Variants in HS2ST1 observed in about 807,000 individuals in gnomAD.
HS2ST1 encodes 2-O-sulfotransferase.
HS2ST1 carries 18 observed loss-of-function variants against 42.9 expected under a neutral mutation model. The ratio of observed to expected loss-of-function variants is 0.42; its 90% CI spans 0.29 to 0.62. The LOEUF is 0.62. Ranked by LOEUF, HS2ST1 falls within the 20% of genes least tolerant of loss-of-function variation. The probability of loss-of-function intolerance (pLI) is 0.21; values close to 1 mark genes in which losing one functional copy is unlikely to be tolerated. For synonymous variants in HS2ST1, 146 were observed against 152.9 expected (o/e 0.95, Z 0.33); for missense variants, 334 against 433.8 (o/e 0.77, Z 2.04).
intron 1 of HS2ST1, among the ~76,000 whole-genome samples, chr1:86,933,238 A>G (rs1660577797): frequency 6.6e-6 from 1 of 152,202 alleles, no homozygotes; most frequent in African/African-American, 2.4e-5. Flanking sequence ...TTGGAGAATT[A>G]ACCACCATTA....
chr1:87,015,813 C>CT (rs957169428), intron 1 of HS2ST1, among the ~76,000 whole-genome samples: 44 of 151,134 alleles, frequency 2.9e-4, no homozygotes, highest in Non-Finnish European at 4.0e-4. Flanking sequence ...CTTTTTCTTT[C>CT]TTTTTTTTTA....
At chr1:86,915,221 C>G in intron 1 of HS2ST1, 61 bp downstream of exon 1, 1 of 1,543,162 alleles carries the variant, frequency 6.5e-7, no homozygotes, top group East Asian at 2.3e-5. Flanking sequence ...GCGCTGCCGC[C>G]GGAGCAAGTG....
intron 1 of HS2ST1, among the ~76,000 whole-genome samples, chr1:87,062,773 C>T (rs1022697489): frequency 6.6e-6 from 1 of 152,086 alleles, no homozygotes; most frequent in African/African-American, 2.4e-5. Flanking sequence ...AGTTACTTTC[C>T]CTTTCATTCC....
intron 1 of HS2ST1, among the ~76,000 whole-genome samples, chr1:86,924,793 G>T (rs184807294): frequency 2.0e-4 from 31 of 152,254 alleles, no homozygotes; most frequent in African/African-American, 7.5e-4. Flanking sequence ...AAACCTCTGG[G>T]CCTGTGATGG....
intron 1 of HS2ST1, among the ~76,000 whole-genome samples, chr1:86,999,699 C>A (rs1327899214): frequency 2.0e-5 from 3 of 152,050 alleles, no homozygotes; most frequent in African/African-American, 4.8e-5. Flanking sequence ...GCTTTCCCCC[C>A]CAACTTACTT....
intron 1 of HS2ST1, among the ~76,000 whole-genome samples, chr1:86,961,434 G>T (rs906073487): frequency 6.6e-6 from 1 of 151,970 alleles, no homozygotes; most frequent in Non-Finnish European, 1.5e-5. Flanking sequence ...ATTACCGGAA[G>T]GATAGTTTTT....
chr1:87,039,069 T>C (rs1650456577), intron 1 of HS2ST1, among the ~76,000 whole-genome samples: 3 of 152,150 alleles, frequency 2.0e-5, no homozygotes, highest in South Asian at 4.1e-4. Flanking sequence ...TGTACTGATA[T>C]GGAAGGTAAT....
chr1:87,081,985 G>GA lies in HS2ST1; in HGVS notation c.364-2201dup, dbSNP rs1204752981. ...GACTCCGTCTCAAAAAAAAAAAAAA[G>GA]AAAAAAAAGAAAAAAAAAGAAGGTT... On this transcript the variant is annotated intron_variant, in intron 2 of 6. Coordinates refer to ENST00000370550, the MANE Select transcript of HS2ST1 (RefSeq NM_012262.4). Among the ~76,000 whole-genome samples the GA allele has an allele frequency of 4.3e-5, 6 of 140,666 alleles. No homozygotes were observed. In the East Asian group the frequency reaches 6.1e-4, roughly 14 times the overall value. The allele number at this position is 140,666 out of a possible 152,430, so 92.3% of individuals were successfully genotyped here.
chr1:86,995,189 CTT>C (rs1248302814), intron 1 of HS2ST1, among the ~76,000 whole-genome samples: 5 of 152,118 alleles, frequency 3.3e-5, no homozygotes, highest in Non-Finnish European at 7.4e-5. Flanking sequence ...AAAATCTACA[CTT>C]GATTTTATAA....
intron 1 of HS2ST1, among the ~76,000 whole-genome samples, chr1:87,031,037 T>A (rs1650223202): frequency 6.6e-6 from 1 of 152,108 alleles, no homozygotes; most frequent in South Asian, 2.1e-4. Context: ...TCTCCTGAGG[T>A]TAAGCGATCC....
intron 1 of HS2ST1, among the ~76,000 whole-genome samples, chr1:87,011,095 T>C (rs1463301461): frequency 6.6e-6 from 1 of 152,016 alleles, no homozygotes; most frequent in Non-Finnish European, 1.5e-5. Context: ...CTCTTCACAT[T>C]TCTTATAGAA....
intron 1 of HS2ST1, among the ~76,000 whole-genome samples, chr1:87,052,754 T>C (rs1330009798): frequency 6.6e-6 from 1 of 152,216 alleles, no homozygotes; most frequent in African/African-American, 2.4e-5. Context: ...TACGTTGTTT[T>C]TCACAGATCT....
At chr1:86,987,849 A>G (rs557477838) in intron 1 of HS2ST1, among the ~76,000 whole-genome samples, 1 of 152,372 alleles carries the variant, frequency 6.6e-6, no homozygotes, top group Admixed American at 6.5e-5. Context: ...AACCATTTCT[A>G]TTCAACTAGA....
At chr1:86,996,044 G>A (rs1442691286) in intron 1 of HS2ST1, among the ~76,000 whole-genome samples, 1 of 152,124 alleles carries the variant, frequency 6.6e-6, no homozygotes, top group African/African-American at 2.4e-5. Context: ...GCTCTAAAAA[G>A]ATAGCCATTT....
intron 1 of HS2ST1, among the ~76,000 whole-genome samples, chr1:87,001,603 T>C (rs1427341972): frequency 1.3e-5 from 2 of 152,254 alleles, no homozygotes; most frequent in Non-Finnish European, 2.9e-5. Context: ...AAAGTTGTTA[T>C]TGTGGTATTA....
chr1:87,080,288 G>T (rs1651651592), intron 2 of HS2ST1, among the ~76,000 whole-genome samples: 1 of 152,180 alleles, frequency 6.6e-6, no homozygotes, highest in Admixed American at 6.5e-5. Flanking sequence ...AAAGAGAGTA[G>T]TGATCAGGGT....
At chr1:87,092,322 A>G (rs1175333584) in intron 3 of HS2ST1, among the ~76,000 whole-genome samples, 1 of 151,964 alleles carries the variant, frequency 6.6e-6, no homozygotes, top group East Asian at 1.9e-4. Context: ...CATAGTTTTT[A>G]AATTCATATT....
Position 87,085,202 on chromosome 1 carries a change from AT to A in HS2ST1, c.449+931del, listed in dbSNP as rs1053108927. Among the ~76,000 whole-genome samples, 184 of 152,134 alleles carry A rather than the reference AT, an allele frequency of 1.2e-3. 1 individual carries two copies. The highest frequency in any genetic ancestry group is 4.1e-3 in the African/African-American group (172 of 41,528). On this transcript the variant is annotated intron_variant, in intron 3 of 6. Transcript: ENST00000370550. Reference sequence around the variant, plus strand: ...CATTAACTTCAAAAACACTAAAAAAATTTTTTTTATTATTTAGCTTAGACAT... The same window carrying A: ...CATTAACTTCAAAAACACTAAAAAAATTTTTTTATTATTTAGCTTAGACAT...
rs545782234 is a variant in HS2ST1 at position 87,036,176 on chromosome 1, C to T, written c.125-36758C>T. ...ATGGCCACATCATGGTGTATATGTGCCACAGTTTCTTTATCCAGTCTATCA... is the reference window on the plus strand; with the variant it reads ...ATGGCCACATCATGGTGTATATGTGTCACAGTTTCTTTATCCAGTCTATCA... On this transcript the variant is annotated intron_variant, in intron 1 of 6. Coordinates refer to ENST00000370550, the MANE Select transcript of HS2ST1 (RefSeq NM_012262.4). Among the ~76,000 whole-genome samples the T allele has an allele frequency of 1.2e-3, 183 of 152,258 alleles. 1 individual carries two copies. Among genetic ancestry groups the T allele is most frequent in the African/African-American group, 4.1e-3 (172 of 41,564 alleles).
Sources: gnomAD v4.1 joint callset for allele counts (sites outside exome capture counted in the v4.1 genomes callset) on GRCh38, gnomAD v4.1.1 for gene constraint, MANE v1.5 for transcripts, NCBI Gene and HGNC (gene_info 2026-07-23, HGNC 2026-07-21) for gene names.